Variants in MCOLN3 observed in about 807,000 individuals in gnomAD.
The protein encoded by MCOLN3 is mucolipin-3.
MCOLN3 carries 62 observed loss-of-function variants against 69.4 expected under a neutral mutation model. The observed-to-expected ratio is 0.89, with a 90% confidence interval of 0.73 to 1.10. The LOEUF is 1.10. MCOLN3 is among the 50% of genes least tolerant of loss of function. MCOLN3 has a pLI of 0.00. For missense variants in MCOLN3, 564 were observed against 656.4 expected (o/e 0.86, Z 1.54); for synonymous variants, 183 against 217.0 (o/e 0.84, Z 1.38).
chr1:85,034,351 T>C (rs1652700685), intron 3 of MCOLN3, 100 bp from the exon 4 acceptor site: 1 of 1,251,496 alleles, frequency 8.0e-7, no homozygotes, highest in Non-Finnish European at 1.1e-6. Flanking sequence ...GCAGGTTCCC[T>C]TGGGATAGAG....
At chr1:85,028,808 T>C (rs1011825592) in intron 7 of MCOLN3, among the ~76,000 whole-genome samples, 4 of 152,164 alleles carry the variant, frequency 2.6e-5, no homozygotes, top group Non-Finnish European at 1.5e-5. Flanking sequence ...GTACACAGCA[T>C]GCACTCGGTA....
intron 3 of MCOLN3, 99 bp from the exon 4 acceptor site, chr1:85,034,350 C>T (rs1276114294): frequency 4.0e-5 from 51 of 1,266,374 alleles, no homozygotes; most frequent in Non-Finnish European, 5.6e-5. Flanking sequence ...GGCAGGTTCC[C>T]TTGGGATAGA....
rs372080053 is a variant in MCOLN3 at position 85,026,297 on chromosome 1, A to C, written c.833-13T>G. The C allele has an allele frequency of 3.8e-5, 59 of 1,541,786 alleles. No individual in the cohort carries two copies. The highest frequency in any genetic ancestry group is 4.8e-5 in the Non-Finnish European group (54 of 1,114,120). On this transcript the variant is annotated splice_polypyrimidine_tract_variant and intron_variant, in intron 7 of 12. Transcript: ENST00000370589. ...GTGTTCTTCTGAACTGAAAGCAAAG[A>C]GGATTACATAGTGCTTATGTAGTGG...
Position 85,026,229 on chromosome 1 carries a change from G to A in MCOLN3, c.888C>T (p.Cys296=). 6.2e-7 allele frequency: 1 copy of A among 1,614,132 alleles called. No homozygotes were observed. The highest frequency in any genetic ancestry group is 1.7e-5 in the Admixed American group (1 of 60,018). Reference sequence around the variant, plus strand: ...TAATGCAGAGGATTAATGAAACCAAGCAAGTCAGAATGACAAAGGCATCAA... The same window carrying A: ...TAATGCAGAGGATTAATGAAACCAAACAAGTCAGAATGACAAAGGCATCAA... ...MIFDAFVILT[C]LVSLILCIRS... is the part of the protein sequence containing the mutation. Residue 296 remains cysteine (C), a synonymous_variant, in exon 8 of 13, where the codon TGC becomes TGT. Transcript: ENST00000370589.
chr1:85,034,160 T>A lies in MCOLN3; in HGVS notation c.488A>T (p.Tyr163Phe), dbSNP rs1304100439. The part of the protein sequence containing the change: ...QSAMAICQHF[Y>F]KRGNIYPGND... ...TCCAGGGTAGATGTTTCCTCGCTTG[T>A]AGAAGTGCTGACAGATTGCCATAGC... is the stretch of plus-strand genomic sequence containing the variant. Residue 163 changes from tyrosine (Y) to phenylalanine (F), a missense_variant, in exon 4 of 13, where the codon TAC (tyrosine) becomes TTC (phenylalanine). Coordinates refer to ENST00000370589, the MANE Select transcript of MCOLN3 (RefSeq NM_018298.11). 2 of 1,614,224 alleles carry A rather than the reference T, an allele frequency of 1.2e-6. No individual in the cohort carries two copies. Among genetic ancestry groups the A allele is most frequent in the South Asian group, 2.2e-5 (2 of 91,082 alleles).
At chr1:85,034,583 A>T (rs1652720374) in intron 3 of MCOLN3, among the ~76,000 whole-genome samples, 1 of 152,218 alleles carries the variant, frequency 6.6e-6, no homozygotes. Flanking sequence ...CAATGTAAAT[A>T]CATATTTATC....
chr1:85,040,408 C>A (rs1344954394), intron 3 of MCOLN3, among the ~76,000 whole-genome samples: 1 of 152,120 alleles, frequency 6.6e-6, no homozygotes, highest in East Asian at 1.9e-4. Context: ...TCAATGACAC[C>A]TAGAGATTTA....
chr1:85,021,142 G>C lies in MCOLN3; in HGVS notation c.1455C>G (p.Phe485Leu). 1 of 1,612,652 alleles carries C rather than the reference G, an allele frequency of 6.2e-7. No homozygotes were observed. Among genetic ancestry groups the C allele is most frequent in the Non-Finnish European group, 8.5e-7 (1 of 1,179,118 alleles). ...WLFSRIYLYS[F>L]ISLFIYMILS... is the part of the protein sequence containing the mutation. ...AAATCATATATATAAAGAGGCTGAT[G>C]AATGAGTAGAGGTAAATTCTACTAA... The change falls in exon 12 of 13, where the codon TTC becomes TTG. Residue 485 changes from phenylalanine (F) to leucine (L), a missense_variant. Coordinates refer to ENST00000370589, the MANE Select transcript of MCOLN3 (RefSeq NM_018298.11).
In MCOLN3 at chr1:85,034,145, A is replaced by G; in HGVS notation, c.503T>C (p.Ile168Thr). The G allele has an allele frequency of 6.2e-7, 1 of 1,614,220 alleles. No homozygotes were observed. Among genetic ancestry groups the G allele is most frequent in the South Asian group, 1.1e-5 (1 of 91,090 alleles). Reference protein sequence around the residue: ...ICQHFYKRGNIYPGNDTFDID... With the variant: ...ICQHFYKRGNTYPGNDTFDID... ...GTCAAAGGTATCATTTCCAGGGTAG[A>G]TGTTTCCTCGCTTGTAGAAGTGCTG... Residue 168 changes from isoleucine to threonine, a missense_variant, in exon 4 of 13, where the codon ATC (isoleucine) becomes ACC (threonine). Transcript: ENST00000370589.
intron 4 of MCOLN3, among the ~76,000 whole-genome samples, chr1:85,033,338 G>C (rs923115011): frequency 5.9e-5 from 9 of 151,982 alleles, no homozygotes; most frequent in African/African-American, 2.2e-4. Context: ...CAGTTTGAGG[G>C]ATCTATTTTT....
At chr1:85,033,763 T>A (rs998549629) in intron 4 of MCOLN3, among the ~76,000 whole-genome samples, 1 of 152,162 alleles carries the variant, frequency 6.6e-6, no homozygotes, top group Non-Finnish European at 1.5e-5. Context: ...CAAGAGATGG[T>A]GGAATACGAT....
At chr1:85,024,174 G>T (rs997088493) in intron 9 of MCOLN3, among the ~76,000 whole-genome samples, 2 of 151,930 alleles carry the variant, frequency 1.3e-5, no homozygotes, top group Non-Finnish European at 2.9e-5. Flanking sequence ...AAAAACAGGT[G>T]GGGGAGGGGA....
intron 1 of MCOLN3, among the ~76,000 whole-genome samples, chr1:85,047,852 T>A (rs570074419): frequency 1.3e-5 from 2 of 152,314 alleles, no homozygotes; most frequent in Admixed American, 6.5e-5. Context: ...GTCGCTGCCA[T>A]CCCCGGGCAC....
chr1:85,025,553 AT>A lies in MCOLN3; in HGVS notation c.1095+385del, dbSNP rs573127699. 52 of 176,750 alleles carry A rather than the reference AT, an allele frequency of 2.9e-4. 1 individual carries two copies. The East Asian group carries it at 9.4e-3, about 32-fold the overall frequency. The allele number at this position is 176,750 out of a possible 1,614,324, so 10.9% of individuals were successfully genotyped here. On this transcript the variant is annotated intron_variant, in intron 9 of 12. Transcript: ENST00000370589. ...CTCACTTTCCCCTATAGCCCCACTC[AT>A]TTTTGTTAAAGATTCGAGCATTTCT...
At chr1:85,035,061 C>T (rs1308060686) in intron 3 of MCOLN3, among the ~76,000 whole-genome samples, 3 of 152,182 alleles carry the variant, frequency 2.0e-5, no homozygotes, top group East Asian at 3.8e-4. Context: ...TTGTCAAGGT[C>T]ACTAATGAGC....
At chr1:85,045,001 G>GT (rs1406570415) in intron 2 of MCOLN3, 132 bp downstream of exon 2, 2 of 650,932 alleles carry the variant, frequency 3.1e-6, no homozygotes, top group East Asian at 5.5e-5. Flanking sequence ...GTCTAAGATT[G>GT]TATGTTTTCT....
At position 85,018,804 on chromosome 1, in the gene MCOLN3, T is replaced by G; in HGVS notation, c.*319A>C. On this transcript the variant is annotated 3_prime_UTR_variant, in exon 13 of 13. Transcript: ENST00000370589. ...TCCACTAATTACACAGTCTGCACAA[T>G]CAGAATAGCAGGAGCAACAGTATCA... 1 of 236,554 alleles carries G rather than the reference T, an allele frequency of 4.2e-6. No homozygotes were observed. The highest frequency in any genetic ancestry group is 8.2e-6 in the Non-Finnish European group (1 of 122,448). The allele number at this position is 236,554 out of a possible 1,614,324, so 14.7% of individuals were successfully genotyped here.
chr1:85,045,055 T>TAA, intron 2 of MCOLN3, 78 bp downstream of exon 2: 35 of 1,022,976 alleles, frequency 3.4e-5, no homozygotes, highest in Non-Finnish European at 4.9e-5. Flanking sequence ...AAAAGTTATT[T>TAA]AAAAAAAAAA....
At position 85,026,216 on chromosome 1, in the gene MCOLN3, T is replaced by C; in HGVS notation, c.901A>G (p.Ile301Val). Reference sequence around the variant, plus strand: ...CTAATCACAGATCTAATGCAGAGGATTAATGAAACCAAGCAAGTCAGAATG... The same window carrying C: ...CTAATCACAGATCTAATGCAGAGGACTAATGAAACCAAGCAAGTCAGAATG... Reference protein sequence around the residue: ...FVILTCLVSLILCIRSVIRGL... With the variant: ...FVILTCLVSLVLCIRSVIRGL... Residue 301 changes from isoleucine to valine, a missense_variant, in exon 8 of 13, where the codon ATC becomes GTC. Coordinates refer to ENST00000370589, the MANE Select transcript of MCOLN3 (RefSeq NM_018298.11). 1 of 1,614,094 alleles carries C rather than the reference T, an allele frequency of 6.2e-7. No homozygotes were observed. The highest frequency in any genetic ancestry group is 8.5e-7 in the Non-Finnish European group (1 of 1,180,008).
Sources: gnomAD v4.1 joint callset for allele counts (sites outside exome capture counted in the v4.1 genomes callset) on GRCh38, gnomAD v4.1.1 for gene constraint, MANE v1.5 for transcripts, NCBI Gene and HGNC (gene_info 2026-07-23, HGNC 2026-07-21) for gene names.